HMG20A: variants seen among roughly 807,000 people sequenced by gnomAD.
HMG20A encodes high mobility group protein 20A.
In HMG20A, 17 loss-of-function variants were observed where a neutral mutation model predicts 43.9. That is an observed-to-expected ratio of 0.39 (90% CI 0.27 to 0.58). The LOEUF is 0.58. Among genes scored for constraint, HMG20A ranks in the 20% least tolerant of loss-of-function variants. The pLI, the probability that HMG20A is intolerant of heterozygous loss-of-function variation, is 0.59. For missense variants in HMG20A, 341 were observed against 438.2 expected, an observed-to-expected ratio of 0.78 and a Z score of 1.98; for synonymous variants, 132 against 147.5, an observed-to-expected ratio of 0.89 and a Z score of 0.76.
intron 6 of HMG20A, 32 bp from the exon 7 acceptor site, chr15:77,477,523 G>A (rs1230494432): frequency 2.1e-6 from 3 of 1,461,350 alleles, no homozygotes; most frequent in African/African-American, 1.4e-5. Context: ...CTTCTATTAA[G>A]AATTAACTGT....
chr15:77,518,288 C>T, the HMG20A span, among the ~76,000 whole-genome samples: 3 of 152,196 alleles, frequency 2.0e-5, no homozygotes, highest in African/African-American at 7.2e-5. Context: ...CATCTGTGAT[C>T]AGCTGTGATT....
At chr15:77,515,389 A>ATTTT in the HMG20A span, among the ~76,000 whole-genome samples, 16 of 151,660 alleles carry the variant, frequency 1.1e-4, no homozygotes, top group African/African-American at 3.6e-4. Context: ...TTTTTTTAAA[A>ATTTT]AAAGTTATCT....
the HMG20A span, among the ~76,000 whole-genome samples, chr15:77,491,136 G>C: frequency 6.6e-6 from 1 of 152,238 alleles, no homozygotes; most frequent in Non-Finnish European, 1.5e-5. Flanking sequence ...CTGACCATTA[G>C]AAAATCCTGG....
intron 2 of HMG20A, among the ~76,000 whole-genome samples, chr15:77,458,947 C>T (rs1381422132): frequency 6.6e-6 from 1 of 152,192 alleles, no homozygotes; most frequent in Admixed American, 6.5e-5. Flanking sequence ...ACCCCCTTCT[C>T]CTTTCTGTGG....
the HMG20A span, among the ~76,000 whole-genome samples, chr15:77,515,924 G>C: frequency 6.6e-6 from 1 of 152,134 alleles, no homozygotes; most frequent in Non-Finnish European, 1.5e-5. Flanking sequence ...GTGGGGAGAA[G>C]AGGAGCCTGC....
intron 3 of HMG20A, among the ~76,000 whole-genome samples, chr15:77,466,731 C>A (rs191536044): frequency 6.6e-6 from 1 of 152,200 alleles, no homozygotes; most frequent in African/African-American, 2.4e-5. Flanking sequence ...ACTCTCCTGT[C>A]AGGAATCAGG....
chr15:77,441,963 T>C (rs972191927), intron 1 of HMG20A, among the ~76,000 whole-genome samples: 3 of 152,002 alleles, frequency 2.0e-5, no homozygotes, highest in African/African-American at 4.8e-5. Context: ...CAATTTAGAG[T>C]CCAATTTCTG....
At chr15:77,433,156 TCCAGGAGTTCAAGACC>T (rs1333584460) in intron 1 of HMG20A, among the ~76,000 whole-genome samples, 1 of 152,006 alleles carries the variant, frequency 6.6e-6, no homozygotes, top group Admixed American at 6.6e-5. Context: ...ATCATTTAAG[TCCAGGAGTTCAAGACC>T]CTGTCTCTAC....
chr15:77,512,511 G>C, the HMG20A span, among the ~76,000 whole-genome samples: 2 of 152,256 alleles, frequency 1.3e-5, no homozygotes, highest in South Asian at 4.1e-4. Context: ...GGGACAATTT[G>C]AGCATCAAAA....
chr15:77,452,510 A>G (rs2072613428), intron 1 of HMG20A, among the ~76,000 whole-genome samples: 1 of 152,206 alleles, frequency 6.6e-6, no homozygotes, highest in African/African-American at 2.4e-5. Flanking sequence ...TTGGCCAAAC[A>G]AGAGAGACTG....
intron 1 of HMG20A, among the ~76,000 whole-genome samples, chr15:77,448,806 G>A (rs898150372): frequency 1.3e-5 from 2 of 151,878 alleles, no homozygotes; most frequent in African/African-American, 2.4e-5. Context: ...TAATAAGGCC[G>A]GGCGCGGTGG....
At chr15:77,494,444 T>C in the HMG20A span, among the ~76,000 whole-genome samples, 1 of 152,150 alleles carries the variant, frequency 6.6e-6, no homozygotes. Context: ...ACTGCTAACT[T>C]TCACTATTCT....
intron 1 of HMG20A, among the ~76,000 whole-genome samples, chr15:77,427,788 T>C (rs1021159156): frequency 1.3e-5 from 2 of 152,238 alleles, no homozygotes; most frequent in African/African-American, 4.8e-5. Flanking sequence ...TGAGCCATAA[T>C]TCCAATTCCC....
At chr15:77,519,352 C>T in the HMG20A span, among the ~76,000 whole-genome samples, 4 of 152,232 alleles carry the variant, frequency 2.6e-5, no homozygotes, top group Admixed American at 6.5e-5. Flanking sequence ...CTACTGCAAA[C>T]GCAGGCCAAG....
At chr15:77,421,191 T>C in intron 1 of HMG20A, 187 bp downstream of exon 1, 1 of 221,844 alleles carries the variant, frequency 4.5e-6, no homozygotes, top group Non-Finnish European at 8.6e-6. Context: ...CACCCTCACT[T>C]CCTGTGGGGG....
rs1238092507 is a variant in HMG20A, at chr15:77,483,076, T to C, written c.*113T>C. Reference sequence around the variant, plus strand: ...GGGCAGAGAAAGAGTGCAGATCCCTTTGCTTGTGAAAGAATTATCAGTGAG... The same window carrying C: ...GGGCAGAGAAAGAGTGCAGATCCCTCTGCTTGTGAAAGAATTATCAGTGAG... On this transcript the variant is annotated 3_prime_UTR_variant, in exon 10 of 10. Transcript: ENST00000336216. 6.6e-6 allele frequency: 1 copy of C among 152,118 alleles called. No homozygotes were observed. Among genetic ancestry groups the C allele is most frequent in the Non-Finnish European group, 1.5e-5 (1 of 68,014 alleles). The allele number at this position is 152,118 out of a possible 1,614,324, so 9.4% of individuals were successfully genotyped here.
intron 9 of HMG20A, 160 bp downstream of exon 9, chr15:77,479,481 A>G: frequency 1.5e-6 from 1 of 665,008 alleles, no homozygotes; most frequent in Non-Finnish European, 2.5e-6. Flanking sequence ...GTAGTAAATA[A>G]TATTAGAAAA....
At chr15:77,508,547 C>T in the HMG20A span, among the ~76,000 whole-genome samples, 1 of 152,136 alleles carries the variant, frequency 6.6e-6, no homozygotes, top group Non-Finnish European at 1.5e-5. Flanking sequence ...GTGGTGGGGG[C>T]CTGTTCAAAT....
chr15:77,433,981 C>T (rs952065850), intron 1 of HMG20A, among the ~76,000 whole-genome samples: 2 of 152,184 alleles, frequency 1.3e-5, no homozygotes, highest in African/African-American at 2.4e-5. Context: ...TATCAGATAA[C>T]AGGATTTATT....
Sources: allele counts gnomAD v4.1 joint callset (sites outside exome capture counted in the v4.1 genomes callset), GRCh38; gene constraint gnomAD v4.1.1; transcripts MANE v1.5; gene names NCBI Gene and HGNC (gene_info 2026-07-23, HGNC 2026-07-21).